The following VPS13B variants were observed in gnomAD, a reference collection of about 807,000 sequenced individuals.
VPS13B encodes intermembrane lipid transfer protein VPS13B.
In VPS13B, 285 loss-of-function variants were observed where a neutral mutation model predicts 426.4. The observed-to-expected ratio is 0.67, with a 90% CI of 0.61 to 0.74. The LOEUF is 0.74. VPS13B is among the 30% of genes least tolerant of loss of function. The pLI is 0.00. For synonymous variants in VPS13B, 1,676 were observed against 1,676.4 expected (o/e 1.00, Z 0.01); for missense variants, 4,537 against 4,782.6 (o/e 0.95, Z 1.51).
chr8:99,129,187 GA>G (rs964906739), intron 8 of VPS13B, among the ~76,000 whole-genome samples: 8 of 151,744 alleles, frequency 5.3e-5, no homozygotes, highest in African/African-American at 1.7e-4. Flanking sequence ...CAGTTCTACT[GA>G]AAAAAATTAT....
At position 99,642,408 on chromosome 8, in the gene VPS13B, C is replaced by G. The variant is rs781154165; in HGVS notation, c.5818C>G (p.Leu1940Val). ...LYFIVSQPSL[L>V]LSCHHRKQRV... Reference sequence around the variant, plus strand: ...CTTTATTGTGTCCCAGCCTTCCTTGCTTCTGAGTTGTCACCACAGAAAGCA... The same window carrying G: ...CTTTATTGTGTCCCAGCCTTCCTTGGTTCTGAGTTGTCACCACAGAAAGCA... The change falls in exon 34 of 62, where the codon CTT becomes GTT. Residue 1940 changes from leucine (L) to valine (V), a missense_variant. Physicochemically the swap from Leu to Val is conservative, Grantham distance 32 (BLOSUM62 1). This residue lies in a region of VPS13B where 4,311 missense variants were observed against 4,474.3 expected (regional missense o/e 0.96). Transcript: ENST00000357162. The G allele has an allele frequency of 1.1e-5, 18 of 1,614,092 alleles. No individual in the cohort carries two copies. The highest frequency in any genetic ancestry group is 1.5e-5 in the Non-Finnish European group (18 of 1,179,998).
chr8:99,082,683 T>C (rs1041313890), intron 3 of VPS13B, among the ~76,000 whole-genome samples: 9 of 152,214 alleles, frequency 5.9e-5, no homozygotes, highest in African/African-American at 1.4e-4. Flanking sequence ...TACATATGGC[T>C]AGCCAGTTTT....
At chr8:99,619,669 T>C (rs1828267015) in intron 33 of VPS13B, among the ~76,000 whole-genome samples, 1 of 152,118 alleles carries the variant, frequency 6.6e-6, no homozygotes, top group East Asian at 1.9e-4. Context: ...TTCCGGAGTT[T>C]GAGACCAGCC....
At chr8:99,659,647 A>G (rs933897221) in intron 34 of VPS13B, among the ~76,000 whole-genome samples, 1 of 152,212 alleles carries the variant, frequency 6.6e-6, no homozygotes, top group Non-Finnish European at 1.5e-5. Flanking sequence ...TGTAAGTTTG[A>G]ATATGCAGTT....
intron 17 of VPS13B, among the ~76,000 whole-genome samples, chr8:99,250,040 G>GT (rs1386025552): frequency 1.3e-5 from 2 of 152,058 alleles, no homozygotes; most frequent in Admixed American, 1.3e-4. Context: ...TTTTGCTGCT[G>GT]TTTTTTTATT....
chr8:99,260,123 C>T lies in VPS13B; in HGVS notation c.2516-14075C>T, dbSNP rs998717689. 2.0e-5 allele frequency among the ~76,000 whole-genome samples: 3 copies of T among 152,070 alleles called. No homozygotes were observed. In the South Asian group the frequency reaches 6.2e-4, roughly 32 times the overall value. ...GATTAAACAGCAGATTAGACACAGC[C>T]AAAGACGCTATAAGTGAACTGGAAG... On this transcript the variant is annotated intron_variant, in intron 17 of 61. Coordinates refer to ENST00000357162, the MANE Select transcript of VPS13B (RefSeq NM_152564.5).
At chr8:99,354,496 A>T (rs1442771603) in intron 19 of VPS13B, among the ~76,000 whole-genome samples, 1 of 150,974 alleles carries the variant, frequency 6.6e-6, no homozygotes, top group Non-Finnish European at 1.5e-5. Context: ...ACTGCATAAA[A>T]TTTTTTTACA....
intron 30 of VPS13B, among the ~76,000 whole-genome samples, chr8:99,525,356 A>C (rs1273087771): frequency 6.6e-6 from 1 of 152,204 alleles, no homozygotes; most frequent in Non-Finnish European, 1.5e-5. Context: ...ATAAGTTTAA[A>C]ATAATGGTGT....
intron 17 of VPS13B, among the ~76,000 whole-genome samples, chr8:99,218,244 A>G (rs1047319715): frequency 2.0e-5 from 3 of 152,304 alleles, no homozygotes; most frequent in Non-Finnish European, 2.9e-5. Flanking sequence ...AAGAGGAGGA[A>G]GAAGAAGAAA....
chr8:99,202,719 C>G (rs935000422), intron 17 of VPS13B, among the ~76,000 whole-genome samples: 1 of 152,086 alleles, frequency 6.6e-6, no homozygotes, highest in African/African-American at 2.4e-5. Flanking sequence ...CATCCTGATA[C>G]CAAAACCTGG....
intron 35 of VPS13B, chr8:99,697,662 G>A (rs898655270): frequency 3.2e-5 from 21 of 652,276 alleles, no homozygotes; most frequent in South Asian, 3.1e-4. Flanking sequence ...GGGTGCAGCA[G>A]ATGATCGGGC....
At chr8:99,740,009 C>T (rs1025437383) in intron 39 of VPS13B, among the ~76,000 whole-genome samples, 1 of 151,894 alleles carries the variant, frequency 6.6e-6, no homozygotes, top group African/African-American at 2.4e-5. Context: ...AGGCTTCAGA[C>T]GATCAAACTA....
chr8:99,469,508 T>C (rs113680197), intron 24 of VPS13B, among the ~76,000 whole-genome samples: 2,999 of 152,248 alleles, frequency 0.02, 62 homozygotes, highest in Non-Finnish European at 0.029. Flanking sequence ...GTGAATACTT[T>C]TGAATGACAC....
intron 33 of VPS13B, among the ~76,000 whole-genome samples, chr8:99,583,644 A>G (rs1215377149): frequency 5.3e-5 from 8 of 152,196 alleles, no homozygotes; most frequent in Admixed American, 1.3e-4. Context: ...TGACCAAACT[A>G]AGGATTGTCA....
chr8:99,728,593 T>C (rs971097829), intron 39 of VPS13B, among the ~76,000 whole-genome samples: 3 of 152,194 alleles, frequency 2.0e-5, no homozygotes, highest in Admixed American at 6.5e-5. Context: ...TTTGTGTTTA[T>C]AGTCTGTTAA....
chr8:99,375,318 T>A (rs1320914472), intron 19 of VPS13B, among the ~76,000 whole-genome samples: 1 of 152,242 alleles, frequency 6.6e-6, no homozygotes, highest in Non-Finnish European at 1.5e-5. Context: ...CTTTGACTTT[T>A]ATAGTTTTTA....
chr8:99,640,063 A>AG (rs1233008721), intron 33 of VPS13B, among the ~76,000 whole-genome samples: 3,689 of 102,828 alleles, frequency 0.036, 116 homozygotes, highest in African/African-American at 0.043. Context: ...AAAGAAAAGA[A>AG]AAGAAAAGAA....
intron 15 of VPS13B, among the ~76,000 whole-genome samples, chr8:99,169,504 A>G (rs1812205341): frequency 6.6e-6 from 1 of 151,998 alleles, no homozygotes; most frequent in Non-Finnish European, 1.5e-5. Context: ...TAAAACCTCA[A>G]TCCCACAATT....
chr8:99,481,755 G>A lies in VPS13B; in HGVS notation c.3823G>A (p.Asp1275Asn). Residue 1275 changes from aspartate to asparagine, a missense_variant, in exon 25 of 62, where the codon GAT (aspartate) becomes AAT (asparagine). Coordinates refer to ENST00000357162, the MANE Select transcript of VPS13B (RefSeq NM_152564.5). ...VRSSIGTAPP[D>N]TSTCSPSADI... ...AAGCAGTATAGGCACAGCTCCTCCA[G>A]ATACCAGCACATGCAGCCCATCTGC... The A allele has an allele frequency of 6.2e-7, 1 of 1,613,944 alleles. No homozygotes were observed. The highest frequency in any genetic ancestry group is 8.5e-7 in the Non-Finnish European group (1 of 1,179,850).
Sources: gnomAD v4.1 joint callset for allele counts (sites outside exome capture counted in the v4.1 genomes callset) on GRCh38, gnomAD v4.1.1 for gene constraint, gnomAD v4.1.1 regional missense constraint, MANE v1.5 for transcripts, NCBI Gene and HGNC (gene_info 2026-07-23, HGNC 2026-07-21) for gene names.